The following PGBD5 variants were observed in gnomAD, a reference collection of about 807,000 sequenced individuals.
PGBD5 encodes piggyBac transposable element-derived protein 5.
In PGBD5, 14 loss-of-function variants were observed where a neutral mutation model predicts 47.9. The ratio of observed to expected loss-of-function variants is 0.29; its 90% confidence interval spans 0.19 to 0.46. The LOEUF is 0.46. Among genes scored for constraint, PGBD5 ranks in the 20% least tolerant of loss-of-function variants. The pLI, the probability that PGBD5 is intolerant of heterozygous loss-of-function variation, is 1.00. For missense variants in PGBD5, 635 were observed against 716.0 expected (o/e 0.89, Z 1.29); for synonymous variants, 316 against 306.3 (o/e 1.03, Z -0.33).
intron 1 of PGBD5, among the ~76,000 whole-genome samples, chr1:230,398,775 C>T (rs114315421): frequency 2.0e-5 from 3 of 152,274 alleles, no homozygotes; most frequent in South Asian, 2.1e-4. Flanking sequence ...GTGAAGATCT[C>T]GAGCATCAGT....
chr1:230,400,492 A>T (rs75399077), intron 1 of PGBD5, among the ~76,000 whole-genome samples: 2,575 of 152,270 alleles, frequency 0.017, 77 homozygotes, highest in African/African-American at 0.059. Flanking sequence ...TGGTTCACTG[A>T]TGTATTCTAA....
chr1:230,369,989 C>T (rs1446746882), intron 1 of PGBD5, among the ~76,000 whole-genome samples: 3 of 152,292 alleles, frequency 2.0e-5, no homozygotes, highest in East Asian at 1.9e-4. Context: ...AGCCACTGTC[C>T]GCCCAGGGGC....
chr1:230,404,103 G>T (rs909250381), intron 1 of PGBD5, among the ~76,000 whole-genome samples: 4 of 152,140 alleles, frequency 2.6e-5, no homozygotes, highest in Non-Finnish European at 5.9e-5. Context: ...GGAAGATGCC[G>T]GGTGGAAGGC....
rs114831304 is a variant in PGBD5, at chr1:230,343,777, A to T, written c.895-6489T>A. On this transcript the variant is annotated intron_variant, in intron 3 of 6. Transcript: ENST00000391860. ...AGCAAAATATTTCACTTAGTATGTA[A>T]AAAGACTGAGTCAAATAAGGAAAAA... Among the ~76,000 whole-genome samples, 175 of 152,362 alleles carry T rather than the reference A, an allele frequency of 1.1e-3. 1 individual carries two copies. Among genetic ancestry groups the T allele is most frequent in the Non-Finnish European group, 1.1e-3 (77 of 68,030 alleles).
chr1:230,400,541 T>C (rs1657111357), intron 1 of PGBD5, among the ~76,000 whole-genome samples: 2 of 152,208 alleles, frequency 1.3e-5, no homozygotes, highest in African/African-American at 4.8e-5. Context: ...GGGTGCTCAG[T>C]AAAGACTTAA....
At chr1:230,381,450 G>A (rs1247655234) in intron 1 of PGBD5, among the ~76,000 whole-genome samples, 1 of 152,234 alleles carries the variant, frequency 6.6e-6, no homozygotes, top group Admixed American at 6.5e-5. Flanking sequence ...ATCTTGGCCA[G>A]GGGCCGCCAC....
chr1:230,360,533 C>T (rs961775877), intron 1 of PGBD5, among the ~76,000 whole-genome samples: 4 of 152,178 alleles, frequency 2.6e-5, no homozygotes, highest in African/African-American at 9.7e-5. Context: ...GTCCCCCATG[C>T]TGTTCTCGTG....
chr1:230,351,476 A>G (rs1206582528), intron 2 of PGBD5, among the ~76,000 whole-genome samples: 4 of 152,140 alleles, frequency 2.6e-5, no homozygotes, highest in Non-Finnish European at 4.4e-5. Context: ...ATGGGCACCC[A>G]CTTCTTTTCA....
At chr1:230,393,811 C>T (rs1293943103) in intron 1 of PGBD5, among the ~76,000 whole-genome samples, 14 of 135,526 alleles carry the variant, frequency 1.0e-4, no homozygotes, top group African/African-American at 2.7e-4. Context: ...GGCGACAGAA[C>T]GAGACTCCGT....
chr1:230,380,721 A>C (rs1368214167), intron 1 of PGBD5, among the ~76,000 whole-genome samples: 2 of 152,216 alleles, frequency 1.3e-5, no homozygotes, highest in African/African-American at 2.4e-5. Flanking sequence ...CAGCACCCAC[A>C]CCTGTACTCA....
At chr1:230,328,156 G>A (rs1388860646) in intron 5 of PGBD5, among the ~76,000 whole-genome samples, 1 of 152,204 alleles carries the variant, frequency 6.6e-6, no homozygotes, top group African/African-American at 2.4e-5. Flanking sequence ...CGACCTTGCA[G>A]CTTTTCACCT....
chr1:230,362,144 C>A (rs542637680), intron 1 of PGBD5: 93 of 1,188,418 alleles, frequency 7.8e-5, no homozygotes, highest in South Asian at 4.3e-4. Flanking sequence ...GTGAGCACCA[C>A]GTGACCATGC....
intron 1 of PGBD5, among the ~76,000 whole-genome samples, chr1:230,379,566 T>G (rs935138716): frequency 6.6e-6 from 1 of 152,264 alleles, no homozygotes; most frequent in African/African-American, 2.4e-5. Context: ...TCAGCTGTAC[T>G]AAAATACTCA....
At chr1:230,390,899 C>A (rs764420893) in intron 1 of PGBD5, among the ~76,000 whole-genome samples, 3 of 152,118 alleles carry the variant, frequency 2.0e-5, no homozygotes, top group Non-Finnish European at 4.4e-5. Flanking sequence ...ACCACCACAG[C>A]CAGCTAATTT....
intron 1 of PGBD5, among the ~76,000 whole-genome samples, chr1:230,395,695 T>C: frequency 1.8e-4 from 1 of 5,506 alleles, no homozygotes; most frequent in Non-Finnish European, 3.2e-4. Flanking sequence ...TGAGCTCCTC[T>C]CATTCCCACC....
At chr1:230,382,127 C>T (rs1656516539) in intron 1 of PGBD5, among the ~76,000 whole-genome samples, 2 of 152,188 alleles carry the variant, frequency 1.3e-5, no homozygotes, top group African/African-American at 2.4e-5. Flanking sequence ...GTGGTTACTG[C>T]CTACTGCAGT....
chr1:230,332,486 A>G (rs573555539), intron 5 of PGBD5, among the ~76,000 whole-genome samples: 6 of 152,304 alleles, frequency 3.9e-5, no homozygotes, highest in African/African-American at 1.2e-4. Context: ...AGAATGGTGG[A>G]TTTTTCCTTC....
rs148741018 is a variant in PGBD5, at chr1:230,341,348, A to T, written c.895-4060T>A. 1.4e-3 allele frequency among the ~76,000 whole-genome samples: 211 copies of T among 152,298 alleles called. 5 individuals carry two copies. The East Asian group carries it at 0.031, about 22-fold the overall frequency. ...CTGACTGGTCCTGGTTTGCTTTGAC[A>T]GAATAACGTCAGTGGTCAAAGGTAG... On this transcript the variant is annotated intron_variant, in intron 3 of 6. Transcript: ENST00000391860.
At chr1:230,415,212 C>T (rs1657488360) in intron 1 of PGBD5, among the ~76,000 whole-genome samples, 1 of 151,712 alleles carries the variant, frequency 6.6e-6, no homozygotes, top group African/African-American at 2.4e-5. Flanking sequence ...GAGTTCAAGG[C>T]TGCAGTGAGC....
Sources: allele counts gnomAD v4.1 joint callset (sites outside exome capture counted in the v4.1 genomes callset), GRCh38; gene constraint gnomAD v4.1.1; transcripts MANE v1.5; gene names NCBI Gene and HGNC (gene_info 2026-07-23, HGNC 2026-07-21).